Variants in GPC6 observed in about 807,000 individuals in gnomAD.
The protein encoded by GPC6 is glypican-6.
Under a neutral mutation model 55.2 loss-of-function variants are expected in GPC6, and 14 were observed. The ratio of observed to expected loss-of-function variants is 0.25; its 90% CI spans 0.17 to 0.40. The LOEUF is 0.40. Ranked by LOEUF, GPC6 falls within the 10% of genes least tolerant of loss-of-function variation. The pLI, the probability that GPC6 is intolerant of heterozygous loss-of-function variation, is 1.00. For synonymous variants in GPC6, 278 were observed against 259.6 expected, an observed-to-expected ratio of 1.07 and a Z score of -0.68; for missense variants, 641 against 708.5, an observed-to-expected ratio of 0.90 and a Z score of 1.08.
At position 93,966,666 on chromosome 13, in the gene GPC6, T is replaced by TTTC. The variant is rs1555345103; in HGVS notation, c.712-61061_712-61060insCTT. Among the ~76,000 whole-genome samples the TTTC allele has an allele frequency of 1.7e-3, 257 of 149,006 alleles. 3 individuals carry two copies. The highest frequency in any genetic ancestry group is 6.2e-3 in the African/African-American group (250 of 40,302). On this transcript the variant is annotated intron_variant, in intron 3 of 8. Transcript: ENST00000377047. ...TGTTTCCTTCATTTTTTTTTTTTTTTTTTTGAGATGTGGTCTCACTGTCGC... is the reference window on the plus strand; with the variant it reads ...TGTTTCCTTCATTTTTTTTTTTTTTTTTCTTTTGAGATGTGGTCTCACTGTCGC...
chr13:94,101,853 A>C (rs1393327777), intron 4 of GPC6, among the ~76,000 whole-genome samples: 1 of 151,780 alleles, frequency 6.6e-6, no homozygotes, highest in Non-Finnish European at 1.5e-5. Flanking sequence ...GCAGAATAGA[A>C]AGTTTATGGA....
intron 6 of GPC6, among the ~76,000 whole-genome samples, chr13:94,358,312 A>G (rs1423935517): frequency 1.3e-5 from 2 of 151,934 alleles, no homozygotes; most frequent in African/African-American, 2.4e-5. Flanking sequence ...GAAAAAGGAA[A>G]AAAAGAAAAA....
chr13:94,246,634 C>G (rs1891203764), intron 4 of GPC6, among the ~76,000 whole-genome samples: 2 of 152,006 alleles, frequency 1.3e-5, no homozygotes, highest in South Asian at 4.1e-4. Flanking sequence ...TCCATTGTGT[C>G]TTCTTGGTGC....
At chr13:93,358,861 A>G (rs947814417) in intron 1 of GPC6, among the ~76,000 whole-genome samples, 1 of 152,022 alleles carries the variant, frequency 6.6e-6, no homozygotes, top group African/African-American at 2.4e-5. Context: ...ACTCCCTGTG[A>G]TGTTCAGTGT....
At chr13:94,369,903 A>G (rs565935598) in intron 6 of GPC6, among the ~76,000 whole-genome samples, 12 of 152,328 alleles carry the variant, frequency 7.9e-5, no homozygotes, top group African/African-American at 2.9e-4. Flanking sequence ...CAGGTAATCA[A>G]TCATTTTTGA....
At chr13:94,083,640 A>T (rs1885184751) in intron 4 of GPC6, among the ~76,000 whole-genome samples, 1 of 152,228 alleles carries the variant, frequency 6.6e-6, no homozygotes, top group Non-Finnish European at 1.5e-5. Context: ...CAGTTTTCTG[A>T]TAGACAATAA....
intron 1 of GPC6, among the ~76,000 whole-genome samples, chr13:93,463,578 T>C (rs1878784664): frequency 6.6e-6 from 1 of 152,146 alleles, no homozygotes; most frequent in Non-Finnish European, 1.5e-5. Flanking sequence ...GAGTTTATTG[T>C]AGGTATCTCA....
chr13:93,276,674 C>T (rs773399925), intron 1 of GPC6, among the ~76,000 whole-genome samples: 20 of 151,946 alleles, frequency 1.3e-4, no homozygotes, highest in East Asian at 5.9e-4. Flanking sequence ...GACTCGGGGA[C>T]GGAGGTGGTG....
intron 2 of GPC6, among the ~76,000 whole-genome samples, chr13:93,731,487 CA>C (rs1051179794): frequency 2.4e-4 from 37 of 152,298 alleles, no homozygotes; most frequent in Non-Finnish European, 4.6e-4. Flanking sequence ...ATCTCCTTCA[CA>C]AACCCACCAT....
chr13:94,011,557 C>T (rs1205205086), intron 3 of GPC6, among the ~76,000 whole-genome samples: 2 of 152,120 alleles, frequency 1.3e-5, no homozygotes, highest in Non-Finnish European at 1.5e-5. Context: ...CCTACTTAGA[C>T]TTTTATTATG....
At chr13:93,280,681 T>C (rs542451755) in intron 1 of GPC6, among the ~76,000 whole-genome samples, 25 of 152,346 alleles carry the variant, frequency 1.6e-4, no homozygotes, top group African/African-American at 6.0e-4. Context: ...TTTACTTATA[T>C]GTATATGCTG....
At chr13:93,421,714 T>A (rs1051775207) in intron 1 of GPC6, among the ~76,000 whole-genome samples, 4 of 151,306 alleles carry the variant, frequency 2.6e-5, no homozygotes, top group Admixed American at 6.6e-5. Context: ...GTGGAAAATG[T>A]GAAAAAAAAA....
chr13:93,933,732 CAAATGCCTTTCA>C (rs1369993143), intron 3 of GPC6, among the ~76,000 whole-genome samples: 1 of 152,128 alleles, frequency 6.6e-6, no homozygotes, highest in Admixed American at 6.5e-5. Flanking sequence ...TGTGCCTTTC[CAAATGCCTTTCA>C]AAATATAAAC....
chr13:94,269,009 C>G (rs1185290966), intron 4 of GPC6, among the ~76,000 whole-genome samples: 1 of 151,598 alleles, frequency 6.6e-6, no homozygotes, highest in Admixed American at 6.6e-5. Context: ...AGTACAGAAC[C>G]TCTCACTCCA....
intron 3 of GPC6, among the ~76,000 whole-genome samples, chr13:93,950,891 T>C (rs1214483141): frequency 6.6e-6 from 1 of 152,104 alleles, no homozygotes; most frequent in African/African-American, 2.4e-5. Flanking sequence ...CCATGGTGAC[T>C]GGGAAGAGTT....
chr13:94,052,830 A>G (rs928085724), intron 4 of GPC6, among the ~76,000 whole-genome samples: 6 of 152,216 alleles, frequency 3.9e-5, no homozygotes, highest in African/African-American at 9.6e-5. Flanking sequence ...TGTTGAAGCT[A>G]TGCCCCTTGG....
intron 3 of GPC6, among the ~76,000 whole-genome samples, chr13:93,907,621 A>C (rs1399235159): frequency 6.6e-6 from 1 of 152,152 alleles, no homozygotes; most frequent in African/African-American, 2.4e-5. Flanking sequence ...TTATAGGTGA[A>C]GAAGTGGACA....
intron 1 of GPC6, among the ~76,000 whole-genome samples, chr13:93,299,249 A>G (rs952131722): frequency 2.0e-5 from 3 of 152,198 alleles, no homozygotes; most frequent in Admixed American, 2.0e-4. Flanking sequence ...TTGACAGAAA[A>G]TGTTTTAACC....
At chr13:94,175,991 G>GAGCGAGAA (rs1380959100) in intron 4 of GPC6, among the ~76,000 whole-genome samples, 1 of 149,750 alleles carries the variant, frequency 6.7e-6, no homozygotes, top group Non-Finnish European at 1.5e-5. Flanking sequence ...GAGAGAGAGA[G>GAGCGAGAA]AGCGAGCTTG....
Sources: gnomAD v4.1 joint callset for allele counts (sites outside exome capture counted in the v4.1 genomes callset) on GRCh38, gnomAD v4.1.1 for gene constraint, MANE v1.5 for transcripts, NCBI Gene and HGNC (gene_info 2026-07-23, HGNC 2026-07-21) for gene names.